Variants in NEGR1 observed in about 807,000 individuals in gnomAD.
NEGR1 encodes neuronal growth regulator 1.
In NEGR1, 10 loss-of-function variants were observed where a neutral mutation model predicts 40.9. That is an observed-to-expected ratio of 0.24 (90% CI 0.15 to 0.42). The LOEUF is 0.42. Ranked by LOEUF, NEGR1 falls within the 10% of genes least tolerant of loss-of-function variation. The probability of loss-of-function intolerance (pLI) is 1.00; values close to 1 mark genes in which losing one functional copy is unlikely to be tolerated. For missense variants in NEGR1, 352 were observed against 438.9 expected, an observed-to-expected ratio of 0.80 and a Z score of 1.77; for synonymous variants, 185 against 166.8, an observed-to-expected ratio of 1.11 and a Z score of -0.84.
intron 1 of NEGR1, among the ~76,000 whole-genome samples, chr1:72,092,154 T>A (rs1648524407): frequency 6.6e-6 from 1 of 152,050 alleles, no homozygotes; most frequent in African/African-American, 2.4e-5. Flanking sequence ...ATAATAAAAT[T>A]GTGTTCCATA....
intron 3 of NEGR1, among the ~76,000 whole-genome samples, chr1:71,768,285 T>G (rs1656198628): frequency 6.6e-6 from 1 of 152,226 alleles, no homozygotes; most frequent in African/African-American, 2.4e-5. Flanking sequence ...CCCTACAAAG[T>G]CATGGGACAG....
At chr1:71,822,466 G>C (rs1658465091) in intron 2 of NEGR1, among the ~76,000 whole-genome samples, 2 of 151,954 alleles carry the variant, frequency 1.3e-5, no homozygotes, top group South Asian at 4.1e-4. Flanking sequence ...TGTCTATGAT[G>C]TCAAATATGA....
intron 4 of NEGR1, among the ~76,000 whole-genome samples, chr1:71,670,720 C>G (rs1652392775): frequency 6.6e-6 from 1 of 152,038 alleles, no homozygotes; most frequent in South Asian, 2.1e-4. Context: ...GATCGTGAAT[C>G]TTTACACATC....
At chr1:71,881,830 CT>C (rs1570463158) in intron 2 of NEGR1, among the ~76,000 whole-genome samples, 1 of 151,924 alleles carries the variant, frequency 6.6e-6, no homozygotes, top group Non-Finnish European at 1.5e-5. Context: ...CTGCTTTTTG[CT>C]TGTGGTTTTA....
At chr1:72,109,434 C>T (rs1163303239) in intron 1 of NEGR1, among the ~76,000 whole-genome samples, 1 of 151,500 alleles carries the variant, frequency 6.6e-6, no homozygotes, top group Non-Finnish European at 1.5e-5. Context: ...TCTTTCAAAA[C>T]CTACTGAGAT....
At chr1:72,013,963 T>TAAAAAAAA (rs1161156816) in intron 1 of NEGR1, among the ~76,000 whole-genome samples, 16 of 88,312 alleles carry the variant, frequency 1.8e-4, no homozygotes, top group African/African-American at 2.6e-4. Flanking sequence ...CTGTGAAAAA[T>TAAAAAAAA]AAAAAAAAAA....
chr1:71,669,950 C>T (rs1464813377), intron 4 of NEGR1, among the ~76,000 whole-genome samples: 1 of 152,028 alleles, frequency 6.6e-6, no homozygotes, highest in African/African-American at 2.4e-5. Flanking sequence ...CCTGGCCAAT[C>T]CTAGGTAGTA....
At chr1:71,864,869 A>G (rs1182371146) in intron 2 of NEGR1, among the ~76,000 whole-genome samples, 1 of 152,228 alleles carries the variant, frequency 6.6e-6, no homozygotes, top group Non-Finnish European at 1.5e-5. Context: ...ACATGGCTTT[A>G]TACAGCAAGT....
chr1:71,447,615 CT>C (rs1267685495), intron 6 of NEGR1, among the ~76,000 whole-genome samples: 2 of 152,196 alleles, frequency 1.3e-5, no homozygotes, highest in Admixed American at 6.5e-5. Context: ...ACTTTACCAT[CT>C]TTGAAAAGCC....
intron 1 of NEGR1, among the ~76,000 whole-genome samples, chr1:72,194,430 C>T (rs1412705695): frequency 6.6e-6 from 1 of 151,972 alleles, no homozygotes; most frequent in Non-Finnish European, 1.5e-5. Flanking sequence ...GAAGTAACCG[C>T]TGTTAGAGTG....
chr1:71,575,794 AAAAAC>A (rs147061004), intron 6 of NEGR1, among the ~76,000 whole-genome samples: 14 of 151,178 alleles, frequency 9.3e-5, no homozygotes, highest in South Asian at 2.1e-4. Context: ...AAACAAAAAC[AAAAAC>A]AAAACAAAAC....
chr1:71,837,843 A>C (rs985395732), intron 2 of NEGR1, among the ~76,000 whole-genome samples: 1 of 152,116 alleles, frequency 6.6e-6, no homozygotes, highest in African/African-American at 2.4e-5. Flanking sequence ...TAGAACAAAT[A>C]CTAAAATATA....
At chr1:71,723,388 C>T (rs914327950) in intron 3 of NEGR1, among the ~76,000 whole-genome samples, 10 of 152,046 alleles carry the variant, frequency 6.6e-5, no homozygotes, top group African/African-American at 2.4e-4. Flanking sequence ...AAAGATCAAA[C>T]CTCAATTAGA....
At chr1:71,775,507 T>G (rs1240631519) in intron 3 of NEGR1, among the ~76,000 whole-genome samples, 6 of 151,452 alleles carry the variant, frequency 4.0e-5, no homozygotes, top group Non-Finnish European at 8.8e-5. Flanking sequence ...CACCACACCC[T>G]TCTAATTTTT....
intron 4 of NEGR1, among the ~76,000 whole-genome samples, chr1:71,633,984 A>C (rs550535418): frequency 3.3e-5 from 5 of 152,220 alleles, no homozygotes; most frequent in Non-Finnish European, 1.5e-5. Context: ...GTGGAATTTA[A>C]GGAGAAAAAA....
rs138918205 is a variant in NEGR1, at chr1:71,409,203, C to T, written c.941-1633G>A. ...AGTCTAATTTAAAGCTATGGAACTC[C>T]TCATTGTCCCCTTTTCTAGACCTAG... On this transcript the variant is annotated intron_variant, in intron 6 of 6. Coordinates refer to ENST00000357731, the MANE Select transcript of NEGR1 (RefSeq NM_173808.3). Among the ~76,000 whole-genome samples the T allele has an allele frequency of 2.1e-3, 324 of 152,056 alleles. 1 individual carries two copies. Among genetic ancestry groups the T allele is most frequent in the African/African-American group, 7.5e-3 (311 of 41,518 alleles).
intron 3 of NEGR1, among the ~76,000 whole-genome samples, chr1:71,727,828 C>T (rs1654722303): frequency 1.3e-5 from 2 of 152,034 alleles, no homozygotes; most frequent in Admixed American, 1.3e-4. Flanking sequence ...CCTTAATCTG[C>T]TAAAGTGGAA....
intron 2 of NEGR1, among the ~76,000 whole-genome samples, chr1:71,911,134 T>C (rs1369655231): frequency 6.6e-6 from 1 of 152,222 alleles, no homozygotes; most frequent in Non-Finnish European, 1.5e-5. Flanking sequence ...TCAAGCATTA[T>C]ACAGAAGAAA....
At chr1:71,945,171 G>T (rs1646006707) in intron 1 of NEGR1, among the ~76,000 whole-genome samples, 1 of 152,036 alleles carries the variant, frequency 6.6e-6, no homozygotes, top group South Asian at 2.1e-4. Flanking sequence ...TGTGTACTAG[G>T]CCTGGAACCT....
Sources: allele counts gnomAD v4.1 joint callset (sites outside exome capture counted in the v4.1 genomes callset), GRCh38; gene constraint gnomAD v4.1.1; transcripts MANE v1.5; gene names NCBI Gene and HGNC (gene_info 2026-07-23, HGNC 2026-07-21).